RAB20: variants seen among roughly 807,000 people sequenced by gnomAD.
The protein encoded by RAB20 is RAB20, member RAS oncogene family.
Under a neutral mutation model 3.7 loss-of-function variants are expected in RAB20, and 2 were observed. The ratio of observed to expected loss-of-function variants is 0.54; its 90% CI spans 0.22 to 1.69. The LOEUF is 1.69. Among genes scored for constraint, RAB20 ranks in the 40% most tolerant of loss-of-function variants. RAB20 has a pLI of 0.19. For missense variants in RAB20, 276 were observed against 311.9 expected, an observed-to-expected ratio of 0.88 and a Z score of 0.87; for synonymous variants, 126 against 130.8, an observed-to-expected ratio of 0.96 and a Z score of 0.25.
At chr13:110,527,457 G>A (rs780382271) in intron 1 of RAB20, among the ~76,000 whole-genome samples, 8 of 152,156 alleles carry the variant, frequency 5.3e-5, no homozygotes, top group African/African-American at 9.7e-5. Context: ...TCCGGTAGGA[G>A]TCAGAAGAAT....
At chr13:110,559,458 TTTCCC>T (rs1353082277) in intron 1 of RAB20, among the ~76,000 whole-genome samples, 6 of 152,148 alleles carry the variant, frequency 3.9e-5, no homozygotes, top group Non-Finnish European at 1.5e-5. Context: ...CTACCTCTCT[TTTCCC>T]TTCAAGTACC....
intron 1 of RAB20, among the ~76,000 whole-genome samples, chr13:110,553,912 T>C (rs189137504): frequency 3.3e-4 from 50 of 152,328 alleles, no homozygotes; most frequent in Non-Finnish European, 3.8e-4. Flanking sequence ...GCCCAGGAGT[T>C]CAAGGCCAGC....
chr13:110,525,668 G>A (rs1028113331), intron 1 of RAB20, among the ~76,000 whole-genome samples: 1 of 152,262 alleles, frequency 6.6e-6, no homozygotes, highest in Non-Finnish European at 1.5e-5. Context: ...GACAGGTGCA[G>A]TGCACGCAGC....
chr13:110,550,987 A>C (rs759761039), intron 1 of RAB20, among the ~76,000 whole-genome samples: 40 of 152,212 alleles, frequency 2.6e-4, no homozygotes, highest in Non-Finnish European at 5.0e-4. Flanking sequence ...ACTCAGGACA[A>C]TGATATTTCC....
intron 1 of RAB20, among the ~76,000 whole-genome samples, chr13:110,549,510 A>C (rs1224779440): frequency 6.6e-6 from 1 of 152,218 alleles, no homozygotes; most frequent in South Asian, 2.1e-4. Context: ...CCTCAGGAAC[A>C]AAATCTTTCT....
In RAB20 at chr13:110,523,459, C is replaced by A. The variant is rs1884367549; in HGVS notation, c.*206G>T. Reference sequence around the variant, plus strand: ...CTTTGCAGAGGATTCCTGTTTCCCACCTCCCCACCCCTCTGACAGAGACTG... The same window carrying A: ...CTTTGCAGAGGATTCCTGTTTCCCAACTCCCCACCCCTCTGACAGAGACTG... On this transcript the variant is annotated 3_prime_UTR_variant, in exon 2 of 2. Coordinates refer to ENST00000267328, the MANE Select transcript of RAB20 (RefSeq NM_017817.3). 2.0e-6 allele frequency: 2 copies of A among 1,010,762 alleles called. No individual in the cohort carries two copies. The highest frequency in any genetic ancestry group is 2.8e-6 in the Non-Finnish European group (2 of 715,480). 62.6% of individuals were successfully genotyped at this position (1,010,762 alleles called of 1,614,324 possible).
chr13:110,558,223 G>A (rs556712000), intron 1 of RAB20, among the ~76,000 whole-genome samples: 1 of 152,304 alleles, frequency 6.6e-6, no homozygotes, highest in East Asian at 1.9e-4. Flanking sequence ...CTTCCTGGAT[G>A]TACCCACCCA....
intron 1 of RAB20, among the ~76,000 whole-genome samples, chr13:110,550,067 AC>A (rs1884925930): frequency 6.6e-6 from 1 of 152,018 alleles, no homozygotes; most frequent in South Asian, 2.1e-4. Flanking sequence ...TCAACCACAG[AC>A]AACCAATGAA....
At chr13:110,525,288 C>A (rs1179882308) in intron 1 of RAB20, among the ~76,000 whole-genome samples, 2 of 152,210 alleles carry the variant, frequency 1.3e-5, no homozygotes, top group African/African-American at 4.8e-5. Context: ...CAGAGACCCC[C>A]GAACTGATGG....
At chr13:110,561,157 G>C (rs1885121675) in intron 1 of RAB20, among the ~76,000 whole-genome samples, 191 bp downstream of exon 1, 1 of 152,192 alleles carries the variant, frequency 6.6e-6, no homozygotes, top group South Asian at 2.1e-4. Flanking sequence ...TTGTCCCTGA[G>C]GTCACTGAGT....
chr13:110,559,102 C>A (rs2139592867), intron 1 of RAB20, among the ~76,000 whole-genome samples: 1 of 152,242 alleles, frequency 6.6e-6, no homozygotes, highest in East Asian at 1.9e-4. Context: ...CTCTTCAGCT[C>A]CATCCACTGC....
In RAB20 at chr13:110,525,220, G is replaced by A. The variant is rs116927593; in HGVS notation, c.173-1023C>T. Among the ~76,000 whole-genome samples the A allele has an allele frequency of 6.2e-3, 950 of 152,354 alleles. 5 individuals carry two copies. The highest frequency in any genetic ancestry group is 9.8e-3 in the Non-Finnish European group (667 of 68,038). ...GTGTGGGGGAGTCAGGCATAGCAGC[G>A]CTAGAGGGAGGCTGGGCCAGGGCAC... On this transcript the variant is annotated intron_variant, in intron 1 of 1. Coordinates refer to ENST00000267328, the MANE Select transcript of RAB20 (RefSeq NM_017817.3).
At chr13:110,557,296 G>A (rs1365708015) in intron 1 of RAB20, among the ~76,000 whole-genome samples, 1 of 152,184 alleles carries the variant, frequency 6.6e-6, no homozygotes, top group Non-Finnish European at 1.5e-5. Flanking sequence ...GCAAAGTGTT[G>A]AAGGTGTGGA....
chr13:110,540,754 A>AAG (rs1278452695), intron 1 of RAB20, among the ~76,000 whole-genome samples: 2 of 151,010 alleles, frequency 1.3e-5, no homozygotes, highest in Admixed American at 1.3e-4. Context: ...AAAAAAAAAA[A>AAG]AAAGTTAAAA....
At chr13:110,557,004 A>G (rs1398661282) in intron 1 of RAB20, among the ~76,000 whole-genome samples, 1 of 152,200 alleles carries the variant, frequency 6.6e-6, no homozygotes, top group Admixed American at 6.5e-5. Flanking sequence ...GGATTGGCCT[A>G]AACAGATGGT....
At chr13:110,545,302 C>T (rs1217761242) in intron 1 of RAB20, among the ~76,000 whole-genome samples, 1 of 152,156 alleles carries the variant, frequency 6.6e-6, no homozygotes, top group Non-Finnish European at 1.5e-5. Context: ...ATTTCATGTA[C>T]CCCATAAATA....
chr13:110,541,857 C>G (rs570955857), intron 1 of RAB20, among the ~76,000 whole-genome samples: 1 of 151,654 alleles, frequency 6.6e-6, no homozygotes, highest in Admixed American at 6.6e-5. Context: ...CATACATGCA[C>G]GTACATGCCA....
intron 1 of RAB20, among the ~76,000 whole-genome samples, chr13:110,543,774 A>ATTTTTTTT (rs60203869): frequency 2.7e-5 from 2 of 74,376 alleles, no homozygotes; most frequent in African/African-American, 9.1e-5. Context: ...AATGTGGGTT[A>ATTTTTTTT]TTTTTTTTTT....
intron 1 of RAB20, among the ~76,000 whole-genome samples, chr13:110,551,757 A>G (rs942415606): frequency 1.3e-5 from 2 of 152,014 alleles, no homozygotes; most frequent in African/African-American, 2.4e-5. Flanking sequence ...TGAAGTCTCA[A>G]TACAGAAAGA....
Sources: gnomAD v4.1 joint callset for allele counts (sites outside exome capture counted in the v4.1 genomes callset) on GRCh38, gnomAD v4.1.1 for gene constraint, MANE v1.5 for transcripts, NCBI Gene and HGNC (gene_info 2026-07-23, HGNC 2026-07-21) for gene names.